Variants in CDKAL1 observed in about 807,000 individuals in gnomAD.
CDKAL1 encodes CDKAL1 threonylcarbamoyladenosine tRNA methylthiotransferase, also known as threonylcarbamoyladenosine tRNA methylthiotransferase.
In CDKAL1, 32 loss-of-function variants were observed where a neutral mutation model predicts 68.2. That is an observed-to-expected ratio of 0.47 (90% CI 0.35 to 0.63). The LOEUF is 0.63. CDKAL1 is among the 30% of genes least tolerant of loss of function. The probability of loss-of-function intolerance (pLI) is 0.00; values close to 1 mark genes in which losing one functional copy is unlikely to be tolerated. For missense variants in CDKAL1, 606 were observed against 696.7 expected (o/e 0.87, Z 1.47); for synonymous variants, 234 against 244.3 (o/e 0.96, Z 0.39).
intron 13 of CDKAL1, among the ~76,000 whole-genome samples, chr6:21,135,125 T>C (rs545542442): frequency 2.0e-5 from 3 of 152,178 alleles, no homozygotes; most frequent in Non-Finnish European, 4.4e-5. Flanking sequence ...GTGTCTTGAC[T>C]TTGCCTCCAA....
At chr6:21,124,912 T>G (rs530336711) in intron 13 of CDKAL1, among the ~76,000 whole-genome samples, 2 of 152,156 alleles carry the variant, frequency 1.3e-5, no homozygotes, top group South Asian at 4.2e-4. Context: ...ACATGATCCA[T>G]AAGGCCCTTC....
chr6:20,992,059 A>T (rs1422604104), intron 10 of CDKAL1, among the ~76,000 whole-genome samples: 12 of 96,744 alleles, frequency 1.2e-4, no homozygotes, highest in Non-Finnish European at 1.9e-4. Flanking sequence ...TTTTTGAGAT[A>T]CTCTATCACC....
chr6:20,761,713 A>G (rs1015683445), intron 7 of CDKAL1, among the ~76,000 whole-genome samples: 1 of 152,206 alleles, frequency 6.6e-6, no homozygotes, highest in African/African-American at 2.4e-5. Context: ...CATTGTGGAA[A>G]AGGTGAAATA....
In CDKAL1 at chr6:21,129,011, T is replaced by C. The variant is rs575247396; in HGVS notation, c.1299+20548T>C. ...CAACACTGGTAATTTATTTAGCTTCTCTGAGGCTCAGCTTTTTTGTCTCTA... is the reference window on the plus strand; with the variant it reads ...CAACACTGGTAATTTATTTAGCTTCCCTGAGGCTCAGCTTTTTTGTCTCTA... On this transcript the variant is annotated intron_variant, in intron 13 of 15. Coordinates refer to ENST00000274695, the MANE Select transcript of CDKAL1 (RefSeq NM_017774.3). Among the ~76,000 whole-genome samples, 13 of 152,358 alleles carry C rather than the reference T, an allele frequency of 8.5e-5. No individual in the cohort carries two copies. In the East Asian group the frequency reaches 2.5e-3, roughly 29 times the overall value.
intron 11 of CDKAL1, among the ~76,000 whole-genome samples, chr6:21,006,393 C>A (rs747299349): frequency 1.3e-5 from 2 of 152,052 alleles, no homozygotes; most frequent in Non-Finnish European, 2.9e-5. Flanking sequence ...ACTAAGTAAC[C>A]ACCTCCAAAA....
intron 12 of CDKAL1, among the ~76,000 whole-genome samples, chr6:21,075,899 AT>A (rs1191745451): frequency 2.0e-5 from 3 of 152,146 alleles, no homozygotes; most frequent in Non-Finnish European, 4.4e-5. Flanking sequence ...TAGGAGTCTT[AT>A]GACTTGAAAA....
chr6:20,872,396 A>G (rs1760270088), intron 9 of CDKAL1, among the ~76,000 whole-genome samples: 1 of 152,206 alleles, frequency 6.6e-6, no homozygotes, highest in Non-Finnish European at 1.5e-5. Flanking sequence ...ATCAGTGTGT[A>G]GAGAAAGATT....
At chr6:21,032,961 G>A (rs1769380011) in intron 11 of CDKAL1, among the ~76,000 whole-genome samples, 1 of 152,166 alleles carries the variant, frequency 6.6e-6, no homozygotes, top group African/African-American at 2.4e-5. Context: ...TCACTTTAGA[G>A]TTATGATGTA....
intron 4 of CDKAL1, among the ~76,000 whole-genome samples, chr6:20,613,270 T>C (rs1473709176): frequency 0.27 from 24,357 of 90,400 alleles, 4,462 homozygotes; most frequent in East Asian, 0.59. Context: ...TTTTTTTTTT[T>C]TTTTTTTTTT....
intron 15 of CDKAL1, among the ~76,000 whole-genome samples, chr6:21,215,666 G>A (rs1218114926): frequency 1.3e-5 from 2 of 152,040 alleles, no homozygotes; most frequent in Non-Finnish European, 2.9e-5. Flanking sequence ...GGAAGCTAAG[G>A]GACCTTGTCA....
chr6:21,112,577 T>C (rs929077083), intron 13 of CDKAL1, among the ~76,000 whole-genome samples: 1 of 152,244 alleles, frequency 6.6e-6, no homozygotes. Context: ...GTCATCTAGC[T>C]CCTGTGTTGG....
At position 21,129,191 on chromosome 6, in the gene CDKAL1, G is replaced by A. The variant is rs112049406; in HGVS notation, c.1299+20728G>A. ...TAATAATTATAAATTCTATCCATAA[G>A]TATTTATTACTGTAACTAGATATCT... On this transcript the variant is annotated intron_variant, in intron 13 of 15. Transcript: ENST00000274695. Among the ~76,000 whole-genome samples, 1,186 of 152,070 alleles carry A rather than the reference G, an allele frequency of 7.8e-3. 19 individuals carry two copies. The highest frequency in any genetic ancestry group is 0.027 in the African/African-American group (1,116 of 41,480).
chr6:21,053,193 G>A (rs1013072792), intron 11 of CDKAL1, among the ~76,000 whole-genome samples: 13 of 152,202 alleles, frequency 8.5e-5, no homozygotes, highest in East Asian at 3.9e-4. Flanking sequence ...ATTCTAAGTC[G>A]TCTTCTAGAT....
At chr6:20,552,173 C>T (rs944062851) in intron 4 of CDKAL1, among the ~76,000 whole-genome samples, 5 of 151,734 alleles carry the variant, frequency 3.3e-5, no homozygotes, top group Non-Finnish European at 5.9e-5. Context: ...CATAGTGAGA[C>T]CCTGGCCCTG....
At chr6:20,798,719 G>C (rs4712550) in intron 8 of CDKAL1, among the ~76,000 whole-genome samples, 141,470 of 147,552 alleles carry the variant, frequency 0.96, 67,826 homozygotes, top group East Asian at 1. Context: ...ACAATAAGAA[G>C]ACTTGGACAC....
intron 11 of CDKAL1, among the ~76,000 whole-genome samples, chr6:21,002,048 T>G (rs1767451101): frequency 6.6e-6 from 1 of 152,246 alleles, no homozygotes; most frequent in Non-Finnish European, 1.5e-5. Flanking sequence ...GAGGAATTAC[T>G]GTGGCTACTT....
At chr6:20,845,552 G>T (rs1308548522) in intron 8 of CDKAL1, among the ~76,000 whole-genome samples, 1 of 151,844 alleles carries the variant, frequency 6.6e-6, no homozygotes, top group African/African-American at 2.4e-5. Flanking sequence ...TGATTTCAAG[G>T]AGTGAAAAAA....
intron 8 of CDKAL1, among the ~76,000 whole-genome samples, chr6:20,824,346 T>C (rs1360665266): frequency 6.6e-6 from 1 of 152,156 alleles, no homozygotes; most frequent in Non-Finnish European, 1.5e-5. Context: ...ATTTATTATC[T>C]CACAGCATCT....
chr6:20,997,666 C>T (rs1254192034), intron 10 of CDKAL1, among the ~76,000 whole-genome samples: 1 of 152,096 alleles, frequency 6.6e-6, no homozygotes, highest in Non-Finnish European at 1.5e-5. Context: ...AGTAAGAGGC[C>T]ACCCTGAGTG....
Sources: gnomAD v4.1 joint callset for allele counts (sites outside exome capture counted in the v4.1 genomes callset) on GRCh38, gnomAD v4.1.1 for gene constraint, MANE v1.5 for transcripts, NCBI Gene and HGNC (gene_info 2026-07-23, HGNC 2026-07-21) for gene names.